Variants in MUC4 observed in about 807,000 individuals in gnomAD.
MUC4 encodes the protein mucin-4.
In MUC4, 202 loss-of-function variants were observed where a neutral mutation model predicts 257.9. The observed-to-expected ratio is 0.78, with a 90% CI of 0.70 to 0.88. The LOEUF (loss-of-function observed/expected upper bound fraction) is 0.88, where lower values mean the gene tolerates loss of function less well. Ranked by LOEUF, MUC4 falls within the 40% of genes least tolerant of loss-of-function variation. The probability of loss-of-function intolerance (pLI) is 0.00; values close to 1 mark genes in which losing one functional copy is unlikely to be tolerated. For synonymous variants in MUC4, 2,351 were observed against 2,757.1 expected, an observed-to-expected ratio of 0.85 and a Z score of 4.62; for missense variants, 5,976 against 6,513.7, an observed-to-expected ratio of 0.92 and a Z score of 2.84.
chr3:195,789,644 T>C lies in MUC4; in HGVS notation c.1936A>G (p.Thr646Ala). ...QRGHTQAPQTTQESQTTRSVS... is the reference protein window; with the variant it reads ...QRGHTQAPQTAQESQTTRSVS... ...GACCTCGTGGTTTGTGATTCTTGTG[T>C]GGTCTGCGGGGCTTGAGTGTGACCC... Residue 646 changes from threonine (T) to alanine (A), a missense_variant, in exon 2 of 25, where the codon ACA (threonine) becomes GCA (alanine). Thr to Ala is a moderately conservative substitution (Grantham distance 58). Transcript: ENST00000463781. The C allele has an allele frequency of 6.2e-7, 1 of 1,613,914 alleles. No homozygotes were observed. Among genetic ancestry groups the C allele is most frequent in the South Asian group, 1.1e-5 (1 of 91,080 alleles).
chr3:195,757,518 G>T lies in MUC4; in HGVS notation c.14987-190C>A, dbSNP rs112358974. Among the ~76,000 whole-genome samples, 6 of 152,032 alleles carry T rather than the reference G, an allele frequency of 3.9e-5. No homozygotes were observed. The highest frequency in any genetic ancestry group is 7.4e-5 in the Non-Finnish European group (5 of 68,004). On this transcript the variant is annotated intron_variant, in intron 17 of 24. Transcript: ENST00000463781. This position sits in a 1 kb window ranked among gnomAD's most constrained non-coding sequence, Gnocchi z 4.8. ...TGGTCACGCTCCCAGCTGGAAGGAC[G>T]TGGCACCAGTCCAACATACTGATTG...
In MUC4 at chr3:195,788,887, G is replaced by T. The variant is rs769189255; in HGVS notation, c.2693C>A (p.Pro898His). The T allele has an allele frequency of 4.3e-6, 7 of 1,613,804 alleles. No homozygotes were observed. The South Asian group carries it at 7.7e-5, about 18-fold the overall frequency. Residue 898 changes from proline to histidine, a missense_variant, in exon 2 of 25, where the codon CCT (proline) becomes CAT (histidine). Coordinates refer to ENST00000463781, the MANE Select transcript of MUC4 (RefSeq NM_018406.7). ...QSSPTSPSAS[P>H]QETAAISRMA... ...CCGGGAAATGGCGGCTGTCTCCTGA[G>T]GAGAGGCACTGGGAGAAGTTGGGCT...
chr3:195,811,694 T>G (rs750780964), intron 1 of MUC4, 42 bp downstream of exon 1: 1 of 1,592,308 alleles, frequency 6.3e-7, no homozygotes, highest in East Asian at 2.2e-5. Flanking sequence ...CTCCCCCAAG[T>G]GCTCCCCGCA....
At chr3:195,752,018 A>C in intron 21 of MUC4, 1 of 308,584 alleles carries the variant, frequency 3.2e-6, no homozygotes, top group Non-Finnish European at 6.1e-6. Context: ...CCTGTGACTG[A>C]GGTATGGCAT....
In MUC4 at chr3:195,788,822, C is replaced by A. The variant is rs778004210; in HGVS notation, c.2758G>T (p.Asp920Tyr). The A allele has an allele frequency of 1.2e-6, 2 of 1,613,882 alleles. No homozygotes were observed. The highest frequency in any genetic ancestry group is 2.2e-5 in the South Asian group (2 of 91,082). The change falls in exon 2 of 25, where the codon GAC becomes TAC. Residue 920 changes from aspartate to tyrosine, a missense_variant. Physicochemically the swap from Asp to Tyr is radical, Grantham distance 160. Around this residue, in one of 44 missense-constraint regions of MUC4, gnomAD observed 1,583 missense variants for 1,257.4 expected, o/e 1.26. Coordinates refer to ENST00000463781, the MANE Select transcript of MUC4 (RefSeq NM_018406.7). ...TQRTRTSRGSDTISLASQATD... is the reference protein window; with the variant it reads ...TQRTRTSRGSYTISLASQATD... ...GCCTGGGACGCCAGGCTGATAGTGT[C>A]AGACCCTCTGCTGGTTCTTGTCCTC... is the stretch of plus-strand genomic sequence containing the variant.
At chr3:195,778,244 A>C (rs1020590133) in intron 3 of MUC4, 59 bp downstream of exon 3, 6 of 1,519,620 alleles carry the variant, frequency 3.9e-6, no homozygotes, top group Non-Finnish European at 4.4e-6. Flanking sequence ...GTAGGCTGAG[A>C]GGGAGCCTTC....
chr3:195,805,992 T>C (rs971171130), intron 1 of MUC4, among the ~76,000 whole-genome samples: 1 of 116,798 alleles, frequency 8.6e-6, no homozygotes, highest in Non-Finnish European at 1.9e-5. Flanking sequence ...GGCATGTGCC[T>C]GTGATCCCAG....
chr3:195,809,169 C>T (rs842460), intron 1 of MUC4, among the ~76,000 whole-genome samples: 82,286 of 152,048 alleles, frequency 0.54, 23,484 homozygotes, highest in East Asian at 0.76. Context: ...GTCTGCTGTG[C>T]CTTATCCTTT....
At chr3:195,777,656 ACACC>A (rs1313135629) in intron 3 of MUC4, among the ~76,000 whole-genome samples, 12 of 86,716 alleles carry the variant, frequency 1.4e-4, no homozygotes, top group South Asian at 4.2e-4. Context: ...CATACCTTCC[ACACC>A]CATACCTTCC....
rs924457911 is a variant in MUC4, at chr3:195,778,686, C to T, written c.12790+104G>A. The T allele has an allele frequency of 3.6e-6, 5 of 1,378,090 alleles. No homozygotes were observed. In the African/African-American group the frequency reaches 7.2e-5, roughly 20 times the overall value. The allele number at this position is 1,378,090 out of a possible 1,614,324, so 85.4% of individuals were successfully genotyped here. A position where few individuals can be genotyped will look rare whatever the true frequency, so the allele number is the denominator to read the frequency against. ...CCTCCCCTGTGGGACCTGACACGGC[C>T]CCACCAGGTAATGCGAATGCACCAG... On this transcript the variant is annotated intron_variant, in intron 2 of 24. Coordinates refer to ENST00000463781, the MANE Select transcript of MUC4 (RefSeq NM_018406.7).
At position 195,793,634 on chromosome 3, in the gene MUC4, G is replaced by A. The variant is rs142727392; in HGVS notation, c.83-2137C>T. Among the ~76,000 whole-genome samples, 711 of 152,312 alleles carry A rather than the reference G, an allele frequency of 4.7e-3. 2 individuals carry two copies. Among genetic ancestry groups the A allele is most frequent in the Non-Finnish European group, 7.9e-3 (539 of 68,028 alleles). ...CACAGTTGCAGGAATATAGCCAATG[G>A]TCTTCTCCAGCTCCCGCCTGTCTTC... is the stretch of plus-strand genomic sequence containing the variant. On this transcript the variant is annotated intron_variant, in intron 1 of 24. Coordinates refer to ENST00000463781, the MANE Select transcript of MUC4 (RefSeq NM_018406.7).
chr3:195,754,014 C>G (rs1717009353), intron 19 of MUC4, 199 bp downstream of exon 19: 4 of 672,516 alleles, frequency 5.9e-6, no homozygotes, highest in South Asian at 4.6e-5. Context: ...TCCACCACCC[C>G]CTTTCCAGGC....
intron 8 of MUC4, 33 bp from the exon 9 acceptor site, chr3:195,765,482 C>A (rs77370297): frequency 6.3e-6 from 10 of 1,592,872 alleles, no homozygotes; most frequent in Non-Finnish European, 8.6e-6. Flanking sequence ...AAGGGCTTAT[C>A]CAGGGCTGGG....
Position 195,764,154 on chromosome 3 carries a change from C to T in MUC4, c.13935G>A (p.Leu4645=). ...VQRPWQLAQE[L]EPQSWCCRWN... is the part of the protein sequence containing the mutation. Reference sequence around the variant, plus strand: ...AGCGGCAGCACCAGCTCTGTGGCTCCAGTTCCTGGGCTGCGGAGAACAGCA... The same window carrying T: ...AGCGGCAGCACCAGCTCTGTGGCTCTAGTTCCTGGGCTGCGGAGAACAGCA... The change falls in exon 11 of 25, where the codon CTG becomes CTA. Residue 4645 remains leucine, a synonymous_variant. Coordinates refer to ENST00000463781, the MANE Select transcript of MUC4 (RefSeq NM_018406.7). 5 of 1,570,622 alleles carry T rather than the reference C, an allele frequency of 3.2e-6. No individual in the cohort carries two copies. The highest frequency in any genetic ancestry group is 4.3e-6 in the Non-Finnish European group (5 of 1,158,226).
rs771222488 is a variant in MUC4, at chr3:195,781,038, G to T, written c.10542C>A (p.Ser3514=). 1.5e-5 allele frequency: 23 copies of T among 1,515,628 alleles called. 5 individuals are homozygous for T. Among genetic ancestry groups the T allele is most frequent in the Middle Eastern group, 2.2e-4 (1 of 4,516 alleles). 93.9% of individuals were successfully genotyped at this position (1,515,628 alleles called of 1,614,324 possible). ...CAGGAAGAGGGGTGGCGTGACCGGT[G>T]GATGCTGAGGAAGCGCCGGTGACAG... ...TLPVTGASSA[S]TGHATPLPVT... Residue 3514 remains serine (S), a synonymous_variant, in exon 2 of 25, where the codon TCC becomes TCA. Transcript: ENST00000463781.
At chr3:195,778,682 CG>C (rs1560292685) in intron 2 of MUC4, 107 bp downstream of exon 2, 2 of 1,348,652 alleles carry the variant, frequency 1.5e-6, no homozygotes, top group East Asian at 2.5e-5. Flanking sequence ...GGACCTGACA[CG>C]GCCCCACCAG....
In MUC4 at chr3:195,762,160, G is replaced by A; in HGVS notation, c.14439C>T (p.Ile4813=). The change falls in exon 14 of 25, where the codon ATC becomes ATT. Residue 4813 remains isoleucine, a synonymous_variant. Transcript: ENST00000463781. ...AGGCGTGGAGGATGTTGGAGAGCGC[G>A]ATCACCGAGACGGTGGCCCAGCCGT... The part of the protein sequence containing the change: ...SFDGWATVSV[I]ALSNILHASA... The A allele has an allele frequency of 1.2e-6, 2 of 1,607,700 alleles. No homozygotes were observed. The highest frequency in any genetic ancestry group is 1.7e-6 in the Non-Finnish European group (2 of 1,177,814).
In MUC4 at chr3:195,808,034, C is replaced by A. The variant is rs562927055; in HGVS notation, c.82+3702G>T. ...CCATGGCCCTCGGGGTCCGTTCATG[C>A]AGCAAGCCACATTCTGAATACACCA... On this transcript the variant is annotated intron_variant, in intron 1 of 24. Transcript: ENST00000463781. Among the ~76,000 whole-genome samples the A allele has an allele frequency of 4.6e-5, 7 of 152,288 alleles. No homozygotes were observed. In the East Asian group the frequency reaches 1.2e-3, roughly 25 times the overall value.
Position 195,780,333 on chromosome 3 carries a change from G to A in MUC4, c.11247C>T (p.Ser3749=). The A allele has an allele frequency of 2.0e-6, 3 of 1,526,828 alleles. No homozygotes were observed. The highest frequency in any genetic ancestry group is 2.7e-6 in the Non-Finnish European group (3 of 1,131,938). 94.6% of individuals were successfully genotyped at this position (1,526,828 alleles called of 1,614,324 possible). A position where few individuals can be genotyped will look rare whatever the true frequency, so the allele number is the denominator to read the frequency against. ...CGTGACCTGTGGATGCTGAGGAAGT[G>A]CTGGTGACAGGAAGAGGGGTGACGT... ...TGHVTPLPVT[S]TSSASTGHAT... Residue 3749 remains serine, a synonymous_variant, in exon 2 of 25, where the codon AGC becomes AGT. Coordinates refer to ENST00000463781, the MANE Select transcript of MUC4 (RefSeq NM_018406.7).
Sources: gnomAD v4.1 joint callset for allele counts (sites outside exome capture counted in the v4.1 genomes callset) on GRCh38, gnomAD v4.1.1 for gene constraint, gnomAD v4.1.1 regional missense constraint, Gnocchi (gnomAD v3.1) non-coding constraint, MANE v1.5 for transcripts, NCBI Gene and HGNC (gene_info 2026-07-23, HGNC 2026-07-21) for gene names.